Variants in MYO16 observed in about 807,000 individuals in gnomAD.
The protein encoded by MYO16 is myosin XVI.
MYO16 carries 94 observed loss-of-function variants against 205.3 expected under a neutral mutation model. That is an observed-to-expected ratio of 0.46 (90% CI 0.39 to 0.54). The LOEUF (loss-of-function observed/expected upper bound fraction) is 0.54, where lower values mean the gene tolerates loss of function less well. MYO16 is among the 20% of genes least tolerant of loss of function. The pLI is 0.00. For synonymous variants in MYO16, 988 were observed against 954.0 expected (o/e 1.04, Z -0.66); for missense variants, 2,315 against 2,387.5 (o/e 0.97, Z 0.63).
intron 11 of MYO16, 54 bp from the exon 12 acceptor site, chr13:108,866,122 GT>G (rs1878700074): frequency 9.1e-7 from 1 of 1,096,796 alleles, no homozygotes; most frequent in Non-Finnish European, 1.3e-6. Flanking sequence ...GATTTTTATT[GT>G]TTAAAGATGC....
At chr13:108,805,443 G>T (rs1288105002) in intron 6 of MYO16, among the ~76,000 whole-genome samples, 1 of 152,104 alleles carries the variant, frequency 6.6e-6, no homozygotes, top group Non-Finnish European at 1.5e-5. Context: ...CATTGAATAA[G>T]CCTTTTTGAC....
At chr13:109,021,283 T>TA (rs1337195642) in intron 23 of MYO16, among the ~76,000 whole-genome samples, 5 of 152,162 alleles carry the variant, frequency 3.3e-5, no homozygotes, top group Non-Finnish European at 7.4e-5. Context: ...CTAAGACAGT[T>TA]ACAGCCTTAT....
intron 23 of MYO16, among the ~76,000 whole-genome samples, chr13:109,023,616 T>TACAAATATATAG (rs1330781213): frequency 2.4e-5 from 3 of 125,434 alleles, no homozygotes; most frequent in African/African-American, 9.1e-5. Context: ...TATTTATATA[T>TACAAATATATAG]ACAAATATAT....
intron 27 of MYO16, among the ~76,000 whole-genome samples, chr13:109,096,599 C>T (rs1021304468): frequency 2.0e-5 from 3 of 152,180 alleles, no homozygotes; most frequent in African/African-American, 7.2e-5. Context: ...ATATGAAAAG[C>T]CCTTTGCATT....
chr13:108,948,864 A>T (rs902735519), intron 16 of MYO16, among the ~76,000 whole-genome samples: 10 of 152,252 alleles, frequency 6.6e-5, no homozygotes, highest in African/African-American at 2.4e-4. Context: ...AAGCAAAAGT[A>T]TTAGCACACA....
At chr13:108,653,177 G>A (rs1475846801) in intron 1 of MYO16, among the ~76,000 whole-genome samples, 1 of 152,114 alleles carries the variant, frequency 6.6e-6, no homozygotes, top group African/African-American at 2.4e-5. Flanking sequence ...TTGGGAATTT[G>A]TATATCATCT....
chr13:108,750,588 G>T (rs534935044), intron 4 of MYO16, among the ~76,000 whole-genome samples: 1 of 148,844 alleles, frequency 6.7e-6, no homozygotes, highest in African/African-American at 2.5e-5. Context: ...GGCCAACATG[G>T]TGATATGCCA....
At position 108,794,104 on chromosome 13, in the gene MYO16, CT is replaced by C. The variant is rs1436334901; in HGVS notation, c.741+465del. On this transcript the variant is annotated intron_variant, in intron 6 of 34. Transcript: ENST00000457511. ...GAAAACCAAATATCACATTTTCTTA[CT>C]CATAAGTGGGAGCTAAACACTGAGT... is the stretch of plus-strand genomic sequence containing the variant. Among the ~76,000 whole-genome samples the C allele has an allele frequency of 2.0e-5, 3 of 152,272 alleles. No homozygotes were observed. In the East Asian group the frequency reaches 5.8e-4, roughly 29 times the overall value.
At chr13:108,905,088 T>C (rs1185590576) in intron 15 of MYO16, among the ~76,000 whole-genome samples, 24 of 152,156 alleles carry the variant, frequency 1.6e-4, no homozygotes, top group Admixed American at 1.6e-3. Context: ...GTCACCTGTT[T>C]TCTGGGAGCA....
At chr13:109,172,062 C>T (rs1263601850) in intron 33 of MYO16, among the ~76,000 whole-genome samples, 1 of 152,172 alleles carries the variant, frequency 6.6e-6, no homozygotes, top group Non-Finnish European at 1.5e-5. Flanking sequence ...GGGCGCCAAA[C>T]CACACCAGTT....
At chr13:109,186,029 T>C (rs1293026312) in intron 34 of MYO16, among the ~76,000 whole-genome samples, 2 of 152,002 alleles carry the variant, frequency 1.3e-5, no homozygotes, top group Non-Finnish European at 2.9e-5. Context: ...GTACAGACTT[T>C]AGGGTTAACA....
intron 16 of MYO16, among the ~76,000 whole-genome samples, chr13:108,947,853 C>T (rs1279237201): frequency 6.6e-6 from 1 of 152,162 alleles, no homozygotes; most frequent in South Asian, 2.1e-4. Flanking sequence ...TCACAAGACC[C>T]GAAGACTTTC....
chr13:108,532,691 T>G, the MYO16 span, among the ~76,000 whole-genome samples: 7 of 151,966 alleles, frequency 4.6e-5, no homozygotes, highest in African/African-American at 1.4e-4. Context: ...CTTAGGAGGC[T>G]GGGGCAGGAG....
rs547500815 is a variant in MYO16 at position 108,792,880 on chromosome 13, A to C, written c.617-636A>C. Among the ~76,000 whole-genome samples the C allele has an allele frequency of 5.3e-5, 8 of 152,290 alleles. No homozygotes were observed. In the East Asian group the frequency reaches 1.5e-3, roughly 29 times the overall value. On this transcript the variant is annotated intron_variant, in intron 5 of 34. Coordinates refer to ENST00000457511, the MANE Select transcript of MYO16 (RefSeq NM_001198950.3). ...AGCAACTATTTTGGCCAGAAAAATCAAAGAGATCAAAAACTGTATCTTTGT... is the reference window on the plus strand; with the variant it reads ...AGCAACTATTTTGGCCAGAAAAATCCAAGAGATCAAAAACTGTATCTTTGT...
the MYO16 span, among the ~76,000 whole-genome samples, chr13:108,570,233 C>A: frequency 3.3e-5 from 5 of 151,522 alleles, no homozygotes; most frequent in African/African-American, 1.2e-4. Flanking sequence ...TCCTTCTGTT[C>A]TTCCTTTTCC....
At chr13:109,121,411 C>G (rs1401019407) in intron 29 of MYO16, among the ~76,000 whole-genome samples, 1 of 152,212 alleles carries the variant, frequency 6.6e-6, no homozygotes, top group Non-Finnish European at 1.5e-5. Context: ...TCTCCTCCAG[C>G]TGGGGCAGAC....
intron 28 of MYO16, among the ~76,000 whole-genome samples, chr13:109,113,919 G>C (rs1164688126): frequency 6.6e-6 from 1 of 152,186 alleles, no homozygotes; most frequent in Non-Finnish European, 1.5e-5. Context: ...ACATAAATGT[G>C]TGCACAAGGA....
intron 14 of MYO16, among the ~76,000 whole-genome samples, chr13:108,896,010 T>G (rs1441841242): frequency 6.6e-6 from 1 of 152,168 alleles, no homozygotes; most frequent in Non-Finnish European, 1.5e-5. Flanking sequence ...TCCTCAGCGT[T>G]ACATAATTTC....
At chr13:108,672,970 C>T (rs1882053152) in intron 2 of MYO16, among the ~76,000 whole-genome samples, 2 of 151,220 alleles carry the variant, frequency 1.3e-5, no homozygotes, top group African/African-American at 4.8e-5. Flanking sequence ...GTATGTTCTG[C>T]ACTCTCTGAG....
Sources: gnomAD v4.1 joint callset for allele counts (sites outside exome capture counted in the v4.1 genomes callset) on GRCh38, gnomAD v4.1.1 for gene constraint, MANE v1.5 for transcripts, NCBI Gene and HGNC (gene_info 2026-07-23, HGNC 2026-07-21) for gene names.